Variants in SDK1 observed in about 807,000 individuals in gnomAD.
The protein encoded by SDK1 is protein sidekick-1.
A neutral mutation model predicts 245.5 loss-of-function variants in SDK1; 157 were observed. The ratio of observed to expected loss-of-function variants is 0.64; its 90% CI spans 0.56 to 0.73. The LOEUF is 0.73. SDK1 is among the 30% of genes least tolerant of loss of function. SDK1 has a pLI of 0.00. For synonymous variants in SDK1, 1,647 were observed against 1,278.5 expected (o/e 1.29, Z -6.15); for missense variants, 3,583 against 3,002.3 (o/e 1.19, Z -4.52).
intron 28 of SDK1, among the ~76,000 whole-genome samples, chr7:4,145,118 CAG>C (rs1562880836): frequency 6.6e-6 from 1 of 152,162 alleles, no homozygotes; most frequent in East Asian, 1.9e-4. Context: ...CTGGGCAGCA[CAG>C]GGGGATTCTG....
chr7:3,301,625 C>G lies in SDK1; in HGVS notation c.39C>G (p.Gly13=), dbSNP rs866033753. 1.0e-6 allele frequency: 1 copy of G among 976,548 alleles called. No individual in the cohort carries two copies. Among genetic ancestry groups the G allele is most frequent in the Non-Finnish European group, 1.2e-6 (1 of 826,106 alleles). The allele number at this position is 976,548 out of a possible 1,614,324, so 60.5% of individuals were successfully genotyped here. A position where few individuals can be genotyped will look rare whatever the true frequency, so the allele number is the denominator to read the frequency against. ...RGARPSAAGG[G]GGGAEPPERA... The stretch of plus-strand genomic sequence containing the variant: ...CCCGGCCCTCGGCGGCCGGTGGCGG[C>G]GGCGGCGGCGCGGAGCCCCCTGAGC... Residue 13 remains glycine, a synonymous_variant, in exon 1 of 45, where the codon GGC becomes GGG. Coordinates refer to ENST00000404826, the MANE Select transcript of SDK1 (RefSeq NM_152744.4).
chr7:3,638,962 C>T (rs375347503), intron 2 of SDK1, 42 bp from the exon 3 acceptor site: 5 of 1,230,258 alleles, frequency 4.1e-6, no homozygotes, highest in African/African-American at 1.5e-5. Context: ...AACCATGAAA[C>T]ACTGGATATA....
chr7:3,306,429 T>C (rs564479877), intron 1 of SDK1, among the ~76,000 whole-genome samples: 11 of 152,274 alleles, frequency 7.2e-5, no homozygotes, highest in African/African-American at 2.4e-4. Flanking sequence ...CAACTATTTA[T>C]TTGAGGAACA....
At chr7:3,862,278 G>A (rs1214117099) in intron 5 of SDK1, among the ~76,000 whole-genome samples, 1 of 152,146 alleles carries the variant, frequency 6.6e-6, no homozygotes. Context: ...GAGGAAGCAG[G>A]GCGCTAGTAC....
chr7:3,891,161 G>A (rs550856028), intron 5 of SDK1, among the ~76,000 whole-genome samples: 53 of 152,300 alleles, frequency 3.5e-4, no homozygotes, highest in Non-Finnish European at 6.8e-4. Context: ...CTGGGAAAGA[G>A]GATGGGGGAG....
At chr7:3,693,195 CTG>C (rs1455919993) in intron 4 of SDK1, among the ~76,000 whole-genome samples, 1 of 152,078 alleles carries the variant, frequency 6.6e-6, no homozygotes, top group African/African-American at 2.4e-5. Flanking sequence ...TACTTTGAGA[CTG>C]TGTGGTTATA....
intron 5 of SDK1, among the ~76,000 whole-genome samples, chr7:3,906,301 C>T (rs189289521): frequency 2.0e-5 from 3 of 152,198 alleles, no homozygotes; most frequent in African/African-American, 7.2e-5. Context: ...TTTGTAGTGT[C>T]TCCCAAATTA....
chr7:3,851,303 A>G (rs1325400571), intron 5 of SDK1, among the ~76,000 whole-genome samples: 8 of 152,208 alleles, frequency 5.3e-5, no homozygotes, highest in Non-Finnish European at 1.2e-4. Flanking sequence ...CGTTATTAAC[A>G]TTTTAATGAA....
intron 5 of SDK1, among the ~76,000 whole-genome samples, chr7:3,861,490 AC>A (rs892075531): frequency 2.0e-4 from 31 of 152,050 alleles, no homozygotes; most frequent in African/African-American, 7.0e-4. Context: ...GTTTCCACTG[AC>A]CCCCTGCTGC....
intron 4 of SDK1, among the ~76,000 whole-genome samples, chr7:3,780,106 G>C (rs1345168331): frequency 6.6e-6 from 1 of 152,206 alleles, no homozygotes; most frequent in Admixed American, 6.5e-5. Flanking sequence ...AAACGAGCCT[G>C]AGATACCTGT....
intron 1 of SDK1, among the ~76,000 whole-genome samples, chr7:3,532,878 C>T (rs1783395980): frequency 1.3e-5 from 2 of 152,234 alleles, no homozygotes; most frequent in South Asian, 4.2e-4. Context: ...AGCCCTCTTT[C>T]CCTCCTTGTT....
intron 35 of SDK1, among the ~76,000 whole-genome samples, chr7:4,183,313 C>T (rs1782699154): frequency 6.6e-6 from 1 of 152,162 alleles, no homozygotes; most frequent in South Asian, 2.1e-4. Flanking sequence ...CCTCTGGTCA[C>T]ATGCCTCCTG....
chr7:3,589,156 A>G (rs1015516511), intron 1 of SDK1, among the ~76,000 whole-genome samples: 1 of 152,170 alleles, frequency 6.6e-6, no homozygotes, highest in African/African-American at 2.4e-5. Context: ...GGGCCTTTTG[A>G]CGTCAGTACT....
At position 3,558,102 on chromosome 7, in the gene SDK1, C is replaced by A. The variant is rs545393838; in HGVS notation, c.299-60978C>A. ...TAGATGCCACGTGGCATGCGTAAAG[C>A]CAGCATATTCTATTGAAATGGCCGG... is the stretch of plus-strand genomic sequence containing the variant. On this transcript the variant is annotated intron_variant, in intron 1 of 44. Transcript: ENST00000404826. Among the ~76,000 whole-genome samples the A allele has an allele frequency of 4.7e-5, 7 of 148,466 alleles. No homozygotes were observed. The East Asian group carries it at 1.4e-3, about 30-fold the overall frequency.
In SDK1 at chr7:4,266,818, C is replaced by A; in HGVS notation, c.*1434C>A. Reference sequence around the variant, plus strand: ...CCCCGGGTCCCTGTAAGTGCCCCCTCACCAGCAGCAGCGTGACACACACAA... The same window carrying A: ...CCCCGGGTCCCTGTAAGTGCCCCCTAACCAGCAGCAGCGTGACACACACAA... On this transcript the variant is annotated 3_prime_UTR_variant, in exon 45 of 45. Coordinates refer to ENST00000404826, the MANE Select transcript of SDK1 (RefSeq NM_152744.4). The A allele has an allele frequency of 1.0e-6, 1 of 985,524 alleles. No homozygotes were observed. The highest frequency in any genetic ancestry group is 1.2e-6 in the Non-Finnish European group (1 of 830,034). The allele number at this position is 985,524 out of a possible 1,614,324, so 61.0% of individuals were successfully genotyped here.
At chr7:4,142,772 T>G (rs1399552782) in intron 28 of SDK1, among the ~76,000 whole-genome samples, 1 of 152,226 alleles carries the variant, frequency 6.6e-6, no homozygotes, top group Non-Finnish European at 1.5e-5. Flanking sequence ...TGCTTTGCAC[T>G]CTTTACCTGG....
intron 1 of SDK1, among the ~76,000 whole-genome samples, chr7:3,393,267 C>T (rs1048668233): frequency 2.6e-5 from 4 of 152,006 alleles, no homozygotes; most frequent in Admixed American, 6.5e-5. Flanking sequence ...CCACCACACC[C>T]GGCCCCTATT....
At chr7:3,816,578 A>G (rs559811418) in intron 4 of SDK1, among the ~76,000 whole-genome samples, 58 of 152,104 alleles carry the variant, frequency 3.8e-4, no homozygotes, top group African/African-American at 1.4e-3. Context: ...GACCAATAAC[A>G]GGAGCTGAAA....
At chr7:4,214,109 C>T (rs1206621315) in intron 38 of SDK1, among the ~76,000 whole-genome samples, 1 of 152,192 alleles carries the variant, frequency 6.6e-6, no homozygotes, top group Non-Finnish European at 1.5e-5. Context: ...GACATTTGCC[C>T]AAGGCCTGCG....
Sources: allele counts gnomAD v4.1 joint callset (sites outside exome capture counted in the v4.1 genomes callset), GRCh38; gene constraint gnomAD v4.1.1; transcripts MANE v1.5; gene names NCBI Gene and HGNC (gene_info 2026-07-23, HGNC 2026-07-21).